DNAJB6: variants seen among roughly 807,000 people sequenced by gnomAD.
DNAJB6 encodes the protein DnaJ heat shock protein family (Hsp40) member B6, also known as dnaJ homolog subfamily B member 6.
DNAJB6 carries 16 observed loss-of-function variants against 42.7 expected under a neutral mutation model. That is an observed-to-expected ratio of 0.37 (90% CI 0.25 to 0.57). The LOEUF (loss-of-function observed/expected upper bound fraction) is 0.57. DNAJB6 is among the 20% of genes least tolerant of loss of function. The probability of loss-of-function intolerance (pLI) is 0.74; values close to 1 mark genes in which losing one functional copy is unlikely to be tolerated. For missense variants in DNAJB6, 347 were observed against 416.8 expected, an observed-to-expected ratio of 0.83 and a Z score of 1.46; for synonymous variants, 170 against 163.5, an observed-to-expected ratio of 1.04 and a Z score of -0.30.
rs576089211 is a variant in DNAJB6 at position 157,386,528 on chromosome 7, G to GA, written c.691+918dup. ...TTTAATTATGGTAACATTTCTACAG[G>GA]AGAGGGAAGAAACCATTGTATAATT... On this transcript the variant is annotated intron_variant, in intron 8 of 9. Coordinates refer to ENST00000262177, the MANE Select transcript of DNAJB6 (RefSeq NM_058246.4). 2.6e-5 allele frequency among the ~76,000 whole-genome samples: 4 copies of GA among 152,306 alleles called. No individual in the cohort carries two copies. In the East Asian group the frequency reaches 7.7e-4, roughly 29 times the overall value.
intron 4 of DNAJB6, 39 bp from the exon 5 acceptor site, chr7:157,367,334 C>G (rs1799893459): frequency 6.4e-6 from 9 of 1,412,658 alleles, no homozygotes; most frequent in Non-Finnish European, 9.0e-6. Context: ...TACAAAGCAC[C>G]AAAATTCATA....
In DNAJB6 at chr7:157,366,515, C is replaced by T. The variant is rs1280647754; in HGVS notation, c.189C>T (p.Asp63=). 2 of 1,613,818 alleles carry T rather than the reference C, an allele frequency of 1.2e-6. No homozygotes were observed. The highest frequency in any genetic ancestry group is 1.7e-5 in the Admixed American group (1 of 59,982). ...YEVLSDAKKR[D]IYDKYGKEGL... ...TTCAATTTTTAGCTAAGAAACGGGA[C>T]ATCTATGACAAATATGGCAAAGAAG... The change falls in exon 4 of 10, where the codon GAC becomes GAT. Residue 63 remains aspartate, a synonymous_variant. Transcript: ENST00000262177.
At chr7:157,342,571 C>A (rs911035566) in intron 1 of DNAJB6, among the ~76,000 whole-genome samples, 2 of 151,952 alleles carry the variant, frequency 1.3e-5, no homozygotes, top group Non-Finnish European at 2.9e-5. Flanking sequence ...ATCCGCCTGC[C>A]TTGGCCTCCC....
chr7:157,403,875 G>C (rs895289929), intron 8 of DNAJB6, among the ~76,000 whole-genome samples: 3 of 152,144 alleles, frequency 2.0e-5, no homozygotes, highest in Admixed American at 1.3e-4. Flanking sequence ...CAGAGACTGC[G>C]GTGCCTTCCT....
intron 1 of DNAJB6, among the ~76,000 whole-genome samples, chr7:157,357,428 C>T (rs1339162385): frequency 6.6e-6 from 1 of 150,490 alleles, no homozygotes. Flanking sequence ...AATTCTGCTT[C>T]AGCCTCCCGA....
intron 8 of DNAJB6, among the ~76,000 whole-genome samples, chr7:157,393,642 T>TG (rs1218917664): frequency 6.6e-6 from 1 of 152,218 alleles, no homozygotes; most frequent in Non-Finnish European, 1.5e-5. Context: ...AGTCATTTGT[T>TG]TCGTGCACAT....
At chr7:157,400,939 G>C (rs529675247) in intron 8 of DNAJB6, among the ~76,000 whole-genome samples, 1 of 152,356 alleles carries the variant, frequency 6.6e-6, no homozygotes, top group African/African-American at 2.4e-5. Context: ...GGATTTCTAG[G>C]AAGCTGAAAA....
intron 8 of DNAJB6, 111 bp from the exon 9 acceptor site, chr7:157,409,684 G>T: frequency 8.3e-7 from 1 of 1,204,806 alleles, no homozygotes; most frequent in South Asian, 1.6e-5. Context: ...GCCCGGAGAT[G>T]GCGCGTCTGG....
chr7:157,349,792 A>G (rs1798875629), intron 1 of DNAJB6, among the ~76,000 whole-genome samples: 1 of 152,016 alleles, frequency 6.6e-6, no homozygotes, highest in African/African-American at 2.4e-5. Context: ...TTACAGGTTC[A>G]TGCCACCACA....
chr7:157,352,852 C>T (rs1022028366), intron 1 of DNAJB6, among the ~76,000 whole-genome samples: 7 of 152,116 alleles, frequency 4.6e-5, no homozygotes, highest in East Asian at 1.9e-4. Context: ...CAAGGAACCA[C>T]GGCTTGTTTA....
intron 5 of DNAJB6, chr7:157,378,801 C>T (rs1046677208): frequency 6.6e-6 from 1 of 152,088 alleles, no homozygotes; most frequent in Non-Finnish European, 1.5e-5. Context: ...CTTTTCAAAA[C>T]GACAGAAACC....
At position 157,417,053 on chromosome 7, in the gene DNAJB6, C is replaced by T. The variant is rs1468746294; in HGVS notation, c.*955C>T. 2.0e-5 allele frequency: 3 copies of T among 152,254 alleles called. No individual in the cohort carries two copies. Among genetic ancestry groups the T allele is most frequent in the Non-Finnish European group, 4.4e-5 (3 of 68,044 alleles). 9.4% of individuals were successfully genotyped at this position (152,254 alleles called of 1,614,324 possible). On this transcript the variant is annotated 3_prime_UTR_variant, in exon 10 of 10. Transcript: ENST00000262177. ...AATTCCAGGGCTGCCTTGACTTCTT[C>T]CCTGCATGCTCCCTCCCAGTGACTT...
chr7:157,383,605 GTGTGTT>G (rs1017058518), intron 6 of DNAJB6, among the ~76,000 whole-genome samples: 59 of 78,480 alleles, frequency 7.5e-4, no homozygotes, highest in Admixed American at 4.0e-3. Flanking sequence ...GCTCCTGTAT[GTGTGTT>G]TGTGTGTGTG....
At chr7:157,352,335 T>C (rs1323065501) in intron 1 of DNAJB6, among the ~76,000 whole-genome samples, 1 of 151,672 alleles carries the variant, frequency 6.6e-6, no homozygotes, top group Non-Finnish European at 1.5e-5. Context: ...AATATATACA[T>C]ATATATGTAT....
At chr7:157,361,358 C>T (rs1799583083) in intron 2 of DNAJB6, among the ~76,000 whole-genome samples, 1 of 152,088 alleles carries the variant, frequency 6.6e-6, no homozygotes. Flanking sequence ...GGGGTTTCAC[C>T]ATGTTGGCCA....
At chr7:157,347,619 C>T (rs1181589068) in intron 1 of DNAJB6, among the ~76,000 whole-genome samples, 1 of 152,204 alleles carries the variant, frequency 6.6e-6, no homozygotes, top group Non-Finnish European at 1.5e-5. Flanking sequence ...GAATACGTAC[C>T]TGTAAGAATG....
intron 8 of DNAJB6, among the ~76,000 whole-genome samples, chr7:157,386,920 CT>C (rs1430485806): frequency 3.3e-5 from 5 of 151,572 alleles, no homozygotes; most frequent in African/African-American, 1.2e-4. Flanking sequence ...CAGTCAAGGT[CT>C]TTTGTTTCTC....
rs181988961 is a variant in DNAJB6 at position 157,339,172 on chromosome 7, C to T, written c.-27+2028C>T. Among the ~76,000 whole-genome samples, 851 of 151,408 alleles carry T rather than the reference C, an allele frequency of 5.6e-3. 8 individuals carry two copies. The highest frequency in any genetic ancestry group is 7.2e-3 in the Non-Finnish European group (489 of 67,950). On this transcript the variant is annotated intron_variant, in intron 1 of 9. Transcript: ENST00000262177. ...TTCATTTTTAAGCAAGCCCGTAATT[C>T]CCTTCTATTAACTCTGTTTTGGACA...
At chr7:157,405,096 T>A (rs1021913154) in intron 8 of DNAJB6, among the ~76,000 whole-genome samples, 2 of 152,198 alleles carry the variant, frequency 1.3e-5, no homozygotes, top group Admixed American at 1.3e-4. Flanking sequence ...CAGGCCGGCC[T>A]TGGTGAACAC....
Sources: allele counts gnomAD v4.1 joint callset (sites outside exome capture counted in the v4.1 genomes callset), GRCh38; gene constraint gnomAD v4.1.1; transcripts MANE v1.5; gene names NCBI Gene and HGNC (gene_info 2026-07-23, HGNC 2026-07-21).